Variants in C11orf16 observed in about 807,000 individuals in gnomAD.
C11orf16 encodes the protein chromosome 11 open reading frame 16.
In C11orf16, 38 loss-of-function variants were observed where a neutral mutation model predicts 45.1. The observed-to-expected ratio is 0.84, with a 90% confidence interval of 0.65 to 1.10. The LOEUF is 1.10. Among genes scored for constraint, C11orf16 ranks in the 50% least tolerant of loss-of-function variants. The pLI is 0.00. For missense variants in C11orf16, 583 were observed against 569.5 expected, an observed-to-expected ratio of 1.02 and a Z score of -0.24; for synonymous variants, 221 against 222.0, an observed-to-expected ratio of 1.00 and a Z score of 0.04.
intron 4 of C11orf16, 53 bp downstream of exon 4, chr11:8,926,887 G>GATT: frequency 6.8e-7 from 1 of 1,469,358 alleles, no homozygotes; most frequent in Non-Finnish European, 9.5e-7. Context: ...CCTCTGGCCT[G>GATT]ATTACAGCCT....
In C11orf16 at chr11:8,925,875, C is replaced by T. The variant is rs1322472460; in HGVS notation, c.792G>A (p.Leu264=). 8 of 1,614,092 alleles carry T rather than the reference C, an allele frequency of 5.0e-6. No homozygotes were observed. The highest frequency in any genetic ancestry group is 2.7e-5 in the African/African-American group (2 of 74,932). ...AGGCATGATGGTGGCAGAGAGGGCA[C>T]AGGAATGGAGCATCCGGAGGAAGCT... ...TNELPPDAPF[L]CPLCHHHACC... The change falls in exon 5 of 7, where the codon CTG becomes CTA. Residue 264 remains leucine (L), a synonymous_variant. Transcript: ENST00000326053.
chr11:8,920,122 T>A lies in C11orf16; in HGVS notation c.*351A>T, dbSNP rs2064558919. On this transcript the variant is annotated 3_prime_UTR_variant, in exon 7 of 7. Coordinates refer to ENST00000326053, the MANE Select transcript of C11orf16 (RefSeq NM_020643.3). ...AAGAGGTGAAACAAAATGTCACTCA[T>A]GTACAACTAGGCTTTATGGGAAGGT... 3.2e-6 allele frequency: 1 copy of A among 312,336 alleles called. No individual in the cohort carries two copies. Among genetic ancestry groups the A allele is most frequent in the Non-Finnish European group, 5.8e-6 (1 of 171,968 alleles). 19.3% of individuals were successfully genotyped at this position (312,336 alleles called of 1,614,324 possible).
intron 2 of C11orf16, 140 bp downstream of exon 2, chr11:8,932,002 C>G: frequency 1.1e-6 from 1 of 909,774 alleles, no homozygotes; most frequent in Non-Finnish European, 1.6e-6. Flanking sequence ...CACAGATATG[C>G]CAATCATAGG....
chr11:8,921,416 G>C lies in C11orf16; in HGVS notation c.1304C>G (p.Ala435Gly). The change falls in exon 6 of 7, where the codon GCA becomes GGA. Residue 435 changes from alanine to glycine, a missense_variant. Transcript: ENST00000326053. Reference sequence around the variant, plus strand: ...GGTCCGCGGTGGCTTCATGTGGGTTGCTTTCGAGACCAGCTCCTTGGTAGT... The same window carrying C: ...GGTCCGCGGTGGCTTCATGTGGGTTCCTTTCGAGACCAGCTCCTTGGTAGT... Reference protein sequence around the residue: ...VGTTKELVSKATHMKPPRTPP... With the variant: ...VGTTKELVSKGTHMKPPRTPP... 1 of 1,614,184 alleles carries C rather than the reference G, an allele frequency of 6.2e-7. No homozygotes were observed. Among genetic ancestry groups the C allele is most frequent in the Non-Finnish European group, 8.5e-7 (1 of 1,180,018 alleles).
Position 8,920,132 on chromosome 11 carries a change from G to A in C11orf16, c.*341C>T, listed in dbSNP as rs1402499766. 3.1e-6 allele frequency: 1 copy of A among 327,116 alleles called. No individual in the cohort carries two copies. The highest frequency in any genetic ancestry group is 5.5e-6 in the Non-Finnish European group (1 of 181,388). The allele number at this position is 327,116 out of a possible 1,614,324, so 20.3% of individuals were successfully genotyped here. On this transcript the variant is annotated 3_prime_UTR_variant, in exon 7 of 7. Transcript: ENST00000326053. ...ACAAAATGTCACTCATGTACAACTA[G>A]GCTTTATGGGAAGGTGGCAGAGTGG...
intron 4 of C11orf16, among the ~76,000 whole-genome samples, chr11:8,926,369 T>C (rs533839339): frequency 4.6e-5 from 7 of 151,994 alleles, no homozygotes; most frequent in African/African-American, 1.7e-4. Flanking sequence ...AGGCAGAGCT[T>C]CAGCCTGGCC....
At chr11:8,927,694 C>G in intron 3 of C11orf16, 1 of 456,056 alleles carries the variant, frequency 2.2e-6, no homozygotes, top group Non-Finnish European at 4.4e-6. Context: ...TTGCAGTCAA[C>G]GAGGAAAGGG....
rs2064653769 is a variant in C11orf16 at position 8,932,151 on chromosome 11, G to A, written c.158C>T (p.Pro53Leu). The part of the protein sequence containing the change: ...LQAPWLTGHK[P>L]LARHASSCPC... ...GGGCAGAGACAGGTACCTTGCAAGG[G>A]GCTTGTGCCCGGTGAGCCAGGGTGC... The change falls in exon 2 of 7, where the codon CCC becomes CTC. Residue 53 changes from proline (P) to leucine (L), a missense_variant. Transcript: ENST00000326053. 3 of 1,581,434 alleles carry A rather than the reference G, an allele frequency of 1.9e-6. No homozygotes were observed. The East Asian group carries it at 6.8e-5, about 36-fold the overall frequency.
chr11:8,922,193 A>G (rs2134830450), intron 5 of C11orf16, among the ~76,000 whole-genome samples: 1 of 152,304 alleles, frequency 6.6e-6, no homozygotes, highest in East Asian at 1.9e-4. Flanking sequence ...AGAAGAGATT[A>G]CAAGCTGATA....
intron 5 of C11orf16, 140 bp from the exon 6 acceptor site, chr11:8,921,655 T>A (rs1589931122): frequency 1.2e-6 from 1 of 842,344 alleles, no homozygotes; most frequent in East Asian, 2.6e-5. Flanking sequence ...AGACAGGGTC[T>A]TGCTATTATC....
chr11:8,931,945 C>A (rs1181732075), intron 2 of C11orf16, among the ~76,000 whole-genome samples, 197 bp downstream of exon 2: 4 of 152,180 alleles, frequency 2.6e-5, no homozygotes, highest in Admixed American at 6.5e-5. Flanking sequence ...CCAGATCAAC[C>A]CTGGAGGGCT....
Position 8,932,149 on chromosome 11 carries a change from G to A in C11orf16, c.160C>T (p.Leu54Phe). 1 of 1,579,996 alleles carries A rather than the reference G, an allele frequency of 6.3e-7. No individual in the cohort carries two copies. Among genetic ancestry groups the A allele is most frequent in the Non-Finnish European group, 8.6e-7 (1 of 1,163,564 alleles). The change falls in exon 2 of 7, where the codon CTT becomes TTT. Residue 54 changes from leucine (L) to phenylalanine (F), a missense_variant. Transcript: ENST00000326053. ...AGGGGCAGAGACAGGTACCTTGCAA[G>A]GGGCTTGTGCCCGGTGAGCCAGGGT... ...QAPWLTGHKP[L>F]ARHASSCPCL...
At chr11:8,929,326 C>T (rs1457933284) in intron 3 of C11orf16, 51 bp downstream of exon 3, 2 of 1,575,648 alleles carry the variant, frequency 1.3e-6, no homozygotes, top group South Asian at 2.4e-5. Flanking sequence ...TCAGGTATGA[C>T]AAGGCCACCC....
intron 5 of C11orf16, among the ~76,000 whole-genome samples, chr11:8,923,091 A>C (rs1434775153): frequency 6.6e-6 from 1 of 152,236 alleles, no homozygotes; most frequent in Admixed American, 6.5e-5. Context: ...AATTAATAGA[A>C]TTTATTTCAG....
chr11:8,920,628 C>G (rs1434857544), intron 6 of C11orf16, among the ~76,000 whole-genome samples, 178 bp from the exon 7 acceptor site: 11 of 152,160 alleles, frequency 7.2e-5, no homozygotes, highest in Non-Finnish European at 1.5e-5. Context: ...CAAGACCAGC[C>G]TGGTCAACAC....
chr11:8,929,272 T>C (rs1001793178), intron 3 of C11orf16, 105 bp downstream of exon 3: 51 of 1,215,950 alleles, frequency 4.2e-5, no homozygotes, highest in Non-Finnish European at 5.6e-5. Context: ...AGAGCTGTGC[T>C]TATGCAAGAA....
chr11:8,932,035 C>T (rs2064652804), intron 2 of C11orf16, 107 bp downstream of exon 2: 5 of 1,245,448 alleles, frequency 4.0e-6, no homozygotes, highest in Non-Finnish European at 5.4e-6. Context: ...GACCCCTTTC[C>T]ACCTTCTCAG....
chr11:8,932,142 C>A lies in C11orf16; in HGVS notation c.167G>T (p.Arg56Met). 6.3e-7 allele frequency: 1 copy of A among 1,576,060 alleles called. No homozygotes were observed. The part of the protein sequence containing the change: ...PWLTGHKPLA[R>M]HASSCPCLHV... ...CCCCCAGAGGGGCAGAGACAGGTAC[C>A]TTGCAAGGGGCTTGTGCCCGGTGAG... Residue 56 changes from arginine to methionine, a missense_variant and splice_region_variant, in exon 2 of 7, where the codon AGG (arginine) becomes ATG (methionine). Arg to Met is a moderately conservative substitution (Grantham distance 91, BLOSUM62 -1). Transcript: ENST00000326053.
intron 4 of C11orf16, 63 bp downstream of exon 4, chr11:8,926,874 TCTC>T (rs2064617620): frequency 7.5e-7 from 1 of 1,329,568 alleles, no homozygotes; most frequent in African/African-American, 1.4e-5. Context: ...GCCTTGGCTC[TCTC>T]CTCTGGCCTG....
Sources: allele counts gnomAD v4.1 joint callset (sites outside exome capture counted in the v4.1 genomes callset), GRCh38; gene constraint gnomAD v4.1.1; transcripts MANE v1.5; gene names NCBI Gene and HGNC (gene_info 2026-07-23, HGNC 2026-07-21).